FGF12: variants seen among roughly 807,000 people sequenced by gnomAD.
The protein encoded by FGF12 is fibroblast growth factor 12B.
FGF12 carries 14 observed loss-of-function variants against 23.6 expected under a neutral mutation model. The ratio of observed to expected loss-of-function variants is 0.59; its 90% CI spans 0.39 to 0.93. The LOEUF is 0.93. Among genes scored for constraint, FGF12 ranks in the 40% least tolerant of loss-of-function variants. The pLI is 0.00. For synonymous variants in FGF12, 62 were observed against 77.3 expected, an observed-to-expected ratio of 0.80 and a Z score of 1.04; for missense variants, 175 against 217.8, an observed-to-expected ratio of 0.80 and a Z score of 1.24.
chr3:192,568,970 T>C (rs1465439789), intron 2 of FGF12, among the ~76,000 whole-genome samples: 2 of 152,164 alleles, frequency 1.3e-5, no homozygotes, highest in Non-Finnish European at 2.9e-5. Flanking sequence ...AGGGCACACT[T>C]ACGTTGGTTC....
intron 2 of FGF12, among the ~76,000 whole-genome samples, chr3:192,516,128 C>T: frequency 6.8e-6 from 1 of 146,988 alleles, no homozygotes; most frequent in South Asian, 2.1e-4. Context: ...GTCTCACACA[C>T]CCCCTGAGAG....
chr3:192,718,440 T>C (rs1415688965), intron 2 of FGF12, among the ~76,000 whole-genome samples: 3 of 152,132 alleles, frequency 2.0e-5, no homozygotes, highest in Non-Finnish European at 4.4e-5. Flanking sequence ...GTAGTTCCTA[T>C]ATAAACACTT....
intron 2 of FGF12, among the ~76,000 whole-genome samples, chr3:192,425,461 G>C (rs555310478): frequency 6.6e-6 from 1 of 152,270 alleles, no homozygotes; most frequent in Admixed American, 6.5e-5. Flanking sequence ...GCACAAAGGT[G>C]TCAAACATCA....
intron 4 of FGF12, among the ~76,000 whole-genome samples, chr3:192,331,239 T>A (rs1206004814): frequency 1.3e-5 from 2 of 149,066 alleles, no homozygotes; most frequent in South Asian, 2.1e-4. Context: ...GTGAAGAAAT[T>A]GGAACTTTCG....
chr3:192,701,994 T>G (rs1011214607), intron 2 of FGF12, among the ~76,000 whole-genome samples: 2 of 152,114 alleles, frequency 1.3e-5, no homozygotes, highest in Non-Finnish European at 2.9e-5. Context: ...AACTGAAACT[T>G]TTTACCCTCC....
At chr3:192,415,805 A>G (rs1015821106) in intron 2 of FGF12, among the ~76,000 whole-genome samples, 3 of 151,338 alleles carry the variant, frequency 2.0e-5, no homozygotes, top group African/African-American at 7.3e-5. Flanking sequence ...AAGGAATATA[A>G]TAAGGCAAAC....
At chr3:192,315,285 T>C (rs1716171209) in intron 4 of FGF12, among the ~76,000 whole-genome samples, 2 of 152,192 alleles carry the variant, frequency 1.3e-5, no homozygotes, top group Admixed American at 1.3e-4. Context: ...TTGTTTTATG[T>C]CTTTTTTCTC....
Position 192,337,000 on chromosome 3 carries a change from C to T in FGF12, c.125-1536G>A, listed in dbSNP as rs1717451552. Among the ~76,000 whole-genome samples, 1 of 151,988 alleles carries T rather than the reference C, an allele frequency of 6.6e-6. No homozygotes were observed. The highest frequency in any genetic ancestry group is 2.1e-4 in the South Asian group (1 of 4,832). Reference sequence around the variant, plus strand: ...CTAGATAAGAAACTGTAAGTAGTTTCTTATAGATTAATTGTTGGCTCAATT... The same window carrying T: ...CTAGATAAGAAACTGTAAGTAGTTTTTTATAGATTAATTGTTGGCTCAATT... On this transcript the variant is annotated intron_variant, in intron 3 of 5. Coordinates refer to ENST00000445105, the MANE Select transcript of FGF12 (RefSeq NM_004113.6). This position sits in a 1 kb window ranked among gnomAD's most constrained non-coding sequence, Gnocchi z 4.3.
intron 2 of FGF12, among the ~76,000 whole-genome samples, chr3:192,432,382 G>A (rs1721883620): frequency 6.6e-6 from 1 of 152,078 alleles, no homozygotes; most frequent in South Asian, 2.1e-4. Flanking sequence ...AACACAACAA[G>A]ATTCTCGTCC....
rs1186177456 is a variant in FGF12, at chr3:192,378,080, TTCTTTCTTTC to T, written c.14-17552_14-17543del. Reference sequence around the variant, plus strand: ...TTTCTTTCTTTCTTTCTTTCTTTCTTTCTTTCTTTCTTTCTTCTTTCTTTCCTTCTTTCTC... The same window carrying T: ...TTTCTTTCTTTCTTTCTTTCTTTCTTTTTCTTCTTTCTTTCCTTCTTTCTC... On this transcript the variant is annotated intron_variant, in intron 2 of 5. Transcript: ENST00000445105. Among the ~76,000 whole-genome samples, 9 of 105,858 alleles carry T rather than the reference TTCTTTCTTTC, an allele frequency of 8.5e-5. 1 individual carries two copies. The highest frequency in any genetic ancestry group is 6.5e-4 in the Admixed American group (7 of 10,742). The allele number at this position is 105,858 out of a possible 152,430, so 69.4% of individuals were successfully genotyped here.
intron 2 of FGF12, among the ~76,000 whole-genome samples, chr3:192,559,557 G>C (rs970527223): frequency 1.3e-5 from 2 of 151,726 alleles, no homozygotes; most frequent in Middle Eastern, 3.2e-3. Context: ...CCATAATGTA[G>C]AACACTGATT....
chr3:192,714,749 A>T (rs918674053), intron 2 of FGF12, among the ~76,000 whole-genome samples: 2 of 151,812 alleles, frequency 1.3e-5, no homozygotes, highest in Non-Finnish European at 2.9e-5. Flanking sequence ...CGATCTCCTG[A>T]CCTCGTGATC....
At chr3:192,640,988 A>G (rs1715776297) in intron 2 of FGF12, among the ~76,000 whole-genome samples, 1 of 149,556 alleles carries the variant, frequency 6.7e-6, no homozygotes, top group Non-Finnish European at 1.5e-5. Context: ...AGTTTGTTTT[A>G]TTTTTTTGTA....
At chr3:192,629,740 T>C (rs894936888) in intron 2 of FGF12, among the ~76,000 whole-genome samples, 1 of 152,328 alleles carries the variant, frequency 6.6e-6, no homozygotes, top group South Asian at 2.1e-4. Context: ...AAACAGAATG[T>C]TGCAGAGACT....
intron 2 of FGF12, among the ~76,000 whole-genome samples, chr3:192,663,986 T>C (rs1577107361): frequency 3.3e-5 from 5 of 152,170 alleles, no homozygotes; most frequent in Non-Finnish European, 4.4e-5. Context: ...CTGAAGGACA[T>C]AGTACACATA....
intron 4 of FGF12, among the ~76,000 whole-genome samples, chr3:192,276,804 T>C (rs1047780736): frequency 2.0e-5 from 3 of 152,190 alleles, no homozygotes; most frequent in Admixed American, 2.0e-4. Context: ...TGTTTAACTG[T>C]AGGTAATAAG....
At chr3:192,671,357 T>C (rs1413104781) in intron 2 of FGF12, among the ~76,000 whole-genome samples, 13 of 152,202 alleles carry the variant, frequency 8.5e-5, no homozygotes, top group African/African-American at 2.7e-4. Context: ...TTATATCCCA[T>C]TTACCATTGA....
intron 2 of FGF12, among the ~76,000 whole-genome samples, chr3:192,670,471 C>T (rs983457271): frequency 1.3e-5 from 2 of 151,976 alleles, no homozygotes; most frequent in African/African-American, 4.8e-5. Flanking sequence ...AATCATCACA[C>T]GTGGACAATC....
At chr3:192,185,960 A>G (rs1716440191) in intron 4 of FGF12, among the ~76,000 whole-genome samples, 1 of 151,870 alleles carries the variant, frequency 6.6e-6, no homozygotes, top group South Asian at 2.1e-4. Flanking sequence ...AAAGAGAGAG[A>G]AAAAACATTA....
Sources: allele counts gnomAD v4.1 joint callset (sites outside exome capture counted in the v4.1 genomes callset), GRCh38; gene constraint gnomAD v4.1.1; non-coding constraint Gnocchi (gnomAD v3.1); transcripts MANE v1.5; gene names NCBI Gene and HGNC (gene_info 2026-07-23, HGNC 2026-07-21).